FBXL2: variants seen among roughly 807,000 people sequenced by gnomAD.
FBXL2 encodes F-box/LRR-repeat protein 2.
In FBXL2, 38 loss-of-function variants were observed where a neutral mutation model predicts 69.2. The ratio of observed to expected loss-of-function variants is 0.55; its 90% CI spans 0.42 to 0.72. The LOEUF is 0.72. Among genes scored for constraint, FBXL2 ranks in the 30% least tolerant of loss-of-function variants. The pLI is 0.00. For missense variants in FBXL2, 354 were observed against 520.3 expected, an observed-to-expected ratio of 0.68 and a Z score of 3.11; for synonymous variants, 192 against 201.3, an observed-to-expected ratio of 0.95 and a Z score of 0.39.
intron 1 of FBXL2, 70 bp downstream of exon 1, chr3:33,277,585 G>A: frequency 8.1e-7 from 1 of 1,240,398 alleles, no homozygotes; most frequent in Non-Finnish European, 1.0e-6. Flanking sequence ...GCACGCCGCC[G>A]CCCGCTAGGG....
chr3:33,409,215 C>T, the FBXL2 span: 1 of 1,609,996 alleles, frequency 6.2e-7, no homozygotes. Context: ...TCTTCCAAAA[C>T]CAAATGCTTT....
At chr3:33,421,559 C>T in the FBXL2 span, among the ~76,000 whole-genome samples, 5 of 152,164 alleles carry the variant, frequency 3.3e-5, no homozygotes, top group South Asian at 2.1e-4. Context: ...CATGCGCCAC[C>T]GCACCCAGCC....
At chr3:33,349,105 T>C (rs2040652813) in intron 2 of FBXL2, among the ~76,000 whole-genome samples, 1 of 152,180 alleles carries the variant, frequency 6.6e-6, no homozygotes, top group Non-Finnish European at 1.5e-5. Flanking sequence ...ATGCCCTTTA[T>C]TTCTTTCCCT....
chr3:33,333,462 G>A (rs2039329658), intron 2 of FBXL2, among the ~76,000 whole-genome samples: 1 of 152,178 alleles, frequency 6.6e-6, no homozygotes, highest in Non-Finnish European at 1.5e-5. Flanking sequence ...AAAGACTTCT[G>A]CTTCTACTTC....
intron 2 of FBXL2, among the ~76,000 whole-genome samples, chr3:33,306,007 T>G (rs1340227000): frequency 6.6e-6 from 1 of 152,044 alleles, no homozygotes; most frequent in Admixed American, 6.6e-5. Context: ...TTTCTATTGT[T>G]TCTTCGTTTC....
chr3:33,319,339 G>A (rs999290571), intron 2 of FBXL2, among the ~76,000 whole-genome samples: 2 of 151,482 alleles, frequency 1.3e-5, no homozygotes, highest in Non-Finnish European at 2.9e-5. Context: ...TGAATGTATT[G>A]CCTATTAAAT....
the FBXL2 span, chr3:33,412,595 A>G: frequency 7.5e-6 from 5 of 664,318 alleles, no homozygotes; most frequent in South Asian, 1.9e-5. Context: ...AAAAAAAAAA[A>G]AAGACACAAA....
chr3:33,337,494 A>G (rs1422025114), intron 2 of FBXL2, among the ~76,000 whole-genome samples: 2 of 152,206 alleles, frequency 1.3e-5, no homozygotes, highest in East Asian at 3.9e-4. Context: ...AATACCAAGT[A>G]TCCATAAAGG....
At chr3:33,416,871 T>C in the FBXL2 span, 4 of 1,506,218 alleles carry the variant, frequency 2.7e-6, no homozygotes, top group Non-Finnish European at 9.2e-7. Context: ...ACAATCCTTA[T>C]AAAGAACATC....
chr3:33,397,292 T>TGTCC lies in FBXL2; in HGVS notation n.1215-5941_1215-5938dup, dbSNP rs1219805677. On this transcript the variant is annotated intron_variant and non_coding_transcript_variant, in intron 12 of 12. Coordinates refer to the FBXL2 transcript ENST00000463736. ...CAATATAAGAAGACAAACAGACACC[T>TGTCC]GTCCTTCAGAGCCAAGGAAAATGCT... The TGTCC allele has an allele frequency of 9.6e-6, 5 of 518,950 alleles. No homozygotes were observed. The Admixed American group carries it at 1.2e-4, about 12-fold the overall frequency. The allele number at this position is 518,950 out of a possible 1,614,324, so 32.1% of individuals were successfully genotyped here. A position where few individuals can be genotyped will look rare whatever the true frequency, so the allele number is the denominator to read the frequency against.
chr3:33,300,133 G>A (rs982887439), intron 2 of FBXL2, among the ~76,000 whole-genome samples: 1 of 152,124 alleles, frequency 6.6e-6, no homozygotes, highest in African/African-American at 2.4e-5. Flanking sequence ...ACATTAGGGT[G>A]TGATTAAACT....
chr3:33,289,765 G>A (rs2035037131), intron 1 of FBXL2: 2 of 983,352 alleles, frequency 2.0e-6, no homozygotes, highest in African/African-American at 1.8e-5. Flanking sequence ...GCTGGGGCAA[G>A]GGAAAGAGAG....
intron 2 of FBXL2, among the ~76,000 whole-genome samples, chr3:33,332,256 C>T (rs903207952): frequency 1.3e-5 from 2 of 152,114 alleles, no homozygotes; most frequent in Non-Finnish European, 2.9e-5. Flanking sequence ...AAATATTTTC[C>T]ATGTGCCAAT....
chr3:33,297,512 A>G (rs925143772), intron 1 of FBXL2, 152 bp from the exon 2 acceptor site: 10 of 563,842 alleles, frequency 1.8e-5, no homozygotes, highest in African/African-American at 1.7e-4. Flanking sequence ...ATATTACTCA[A>G]TATTAGAATA....
the FBXL2 span, chr3:33,416,661 A>G: frequency 3.2e-6 from 3 of 933,350 alleles, no homozygotes; most frequent in South Asian, 5.6e-5. Flanking sequence ...AAAAAGTTGT[A>G]ATACAACAAT....
chr3:33,396,564 A>G (rs1263151593), intron 12 of FBXL2: 1 of 425,430 alleles, frequency 2.4e-6, no homozygotes, highest in African/African-American at 2.0e-5. Flanking sequence ...AAAAATCAGT[A>G]AGATTCAATT....
chr3:33,374,028 GC>G, intron 9 of FBXL2, 107 bp downstream of exon 9: 1 of 953,084 alleles, frequency 1.0e-6, no homozygotes, highest in Non-Finnish European at 1.7e-6. Context: ...GGGCTGTGTT[GC>G]CACACCCTGA....
intron 1 of FBXL2, among the ~76,000 whole-genome samples, chr3:33,286,228 CTTTCTG>C (rs2034598573): frequency 6.6e-6 from 1 of 152,096 alleles, no homozygotes; most frequent in African/African-American, 2.4e-5. Context: ...TGTGGATGTC[CTTTCTG>C]TTTGTTAGTT....
At chr3:33,411,668 T>C in the FBXL2 span, 1 of 1,614,052 alleles carries the variant, frequency 6.2e-7, no homozygotes, top group Non-Finnish European at 8.5e-7. Context: ...TGTCAATTAT[T>C]CCCACAGACA....
Sources: allele counts gnomAD v4.1 joint callset (sites outside exome capture counted in the v4.1 genomes callset), GRCh38; gene constraint gnomAD v4.1.1; transcripts MANE v1.5; gene names NCBI Gene and HGNC (gene_info 2026-07-23, HGNC 2026-07-21).